Variants in KCNMB3 observed in about 807,000 individuals in gnomAD.
The protein encoded by KCNMB3 is calcium-activated potassium channel subunit beta-3.
In KCNMB3, 18 loss-of-function variants were observed where a neutral mutation model predicts 11.9. The ratio of observed to expected loss-of-function variants is 1.51; its 90% CI spans 1.04 to 2.23. The LOEUF is 2.23. Ranked by LOEUF, KCNMB3 falls within the 30% of genes most tolerant of loss-of-function variation. The probability of loss-of-function intolerance (pLI) is 0.00; values close to 1 mark genes in which losing one functional copy is unlikely to be tolerated. For synonymous variants in KCNMB3, 78 were observed against 119.2 expected (o/e 0.65, Z 2.25); for missense variants, 247 against 329.4 (o/e 0.75, Z 1.94).
At chr3:179,251,704 C>T, upstream of KCNMB3, 4 of 1,173,414 alleles carry the variant, frequency 3.4e-6, no homozygotes, top group Non-Finnish European at 3.2e-6. Context: ...TTTGTTTGGC[C>T]TTCTCTGTCG....
intron 1 of KCNMB3, among the ~76,000 whole-genome samples, chr3:179,245,932 T>C (rs909810431): frequency 3.9e-5 from 6 of 152,220 alleles, no homozygotes; most frequent in Non-Finnish European, 5.9e-5. Context: ...GACATGTGTA[T>C]ATGTATGAAA....
chr3:179,266,814 G>A, exon 1 of KCNMB3: 1 of 1,501,106 alleles, frequency 6.7e-7, no homozygotes, highest in Non-Finnish European at 8.9e-7. Context: ...GTCCCAGCGG[G>A]AGCCCCCAGC....
downstream of KCNMB3, chr3:179,241,882 G>A (rs1725469594): frequency 3.9e-5 from 6 of 154,330 alleles, no homozygotes; most frequent in Middle Eastern, 3.1e-3. Context: ...TGGATCATCT[G>A]AGATGAATGT....
downstream of KCNMB3, chr3:179,241,721 T>C (rs948814956): frequency 1.3e-5 from 2 of 152,568 alleles, no homozygotes; most frequent in African/African-American, 2.4e-5. Flanking sequence ...TTAATAACCA[T>C]GGTTGATTCA....
chr3:179,249,167 C>T (rs1014954077), intron 1 of KCNMB3, among the ~76,000 whole-genome samples: 14 of 151,254 alleles, frequency 9.3e-5, no homozygotes, highest in African/African-American at 2.9e-4. Flanking sequence ...TGCCCGCCAC[C>T]GTGCCCAGCT....
chr3:179,252,504 G>C (rs1486781633), upstream of KCNMB3, among the ~76,000 whole-genome samples: 1 of 151,950 alleles, frequency 6.6e-6, no homozygotes, highest in Non-Finnish European at 1.5e-5. Flanking sequence ...AACATCTTTA[G>C]GTTCTAAAGC....
downstream of KCNMB3, chr3:179,240,919 G>A (rs1725439091): frequency 6.6e-6 from 1 of 152,192 alleles, no homozygotes; most frequent in African/African-American, 2.4e-5. Flanking sequence ...CACATCAAAT[G>A]TTCATGTGTA....
intron 1 of KCNMB3, among the ~76,000 whole-genome samples, chr3:179,257,527 A>C (rs1209906274): frequency 6.6e-6 from 1 of 152,236 alleles, no homozygotes; most frequent in Non-Finnish European, 1.5e-5. Flanking sequence ...GAATTTTCCA[A>C]TAAGAATATA....
chr3:179,262,913 T>C (rs987926976), intron 1 of KCNMB3, among the ~76,000 whole-genome samples: 9 of 152,294 alleles, frequency 5.9e-5, no homozygotes, highest in African/African-American at 1.7e-4. Flanking sequence ...ACAGTACCAA[T>C]TGGTGTATTT....
At chr3:179,261,313 C>T (rs1726200661) in intron 1 of KCNMB3, 4 of 1,230,748 alleles carry the variant, frequency 3.3e-6, no homozygotes, top group Non-Finnish European at 4.1e-6. Flanking sequence ...GGGAAACGCT[C>T]GGGGACCGTG....
At chr3:179,245,389 G>A (rs1046317812) in intron 1 of KCNMB3, among the ~76,000 whole-genome samples, 7 of 152,096 alleles carry the variant, frequency 4.6e-5, no homozygotes, top group African/African-American at 1.7e-4. Context: ...CCATATTTTT[G>A]CTATCAATTA....
intron 1 of KCNMB3, chr3:179,258,854 G>A (rs1726107050): frequency 6.5e-7 from 1 of 1,534,912 alleles, no homozygotes; most frequent in South Asian, 1.1e-5. Flanking sequence ...TGATTACATG[G>A]AAATCTACAA....
chr3:179,249,697 A>G (rs1418823714), intron 1 of KCNMB3, among the ~76,000 whole-genome samples: 1 of 152,218 alleles, frequency 6.6e-6, no homozygotes, highest in Non-Finnish European at 1.5e-5. Flanking sequence ...AAAGAAAATC[A>G]TAAGGAAGAA....
At chr3:179,266,619 C>A (rs1726375624) in intron 1 of KCNMB3, 2 of 1,613,466 alleles carry the variant, frequency 1.2e-6, no homozygotes, top group East Asian at 4.5e-5. Flanking sequence ...CAGATTCCCA[C>A]TACCGGCAGA....
chr3:179,251,153 GC>G, upstream of KCNMB3: 1 of 1,613,494 alleles, frequency 6.2e-7, no homozygotes, highest in Non-Finnish European at 8.5e-7. Context: ...AGATATTGTA[GC>G]AAACAAGCCT....
chr3:179,248,528 G>A (rs1310176295), intron 1 of KCNMB3, among the ~76,000 whole-genome samples: 2 of 151,932 alleles, frequency 1.3e-5, no homozygotes, highest in Admixed American at 6.6e-5. Context: ...AGGAGTTCAC[G>A]ACCAGCCTGG....
downstream of KCNMB3, chr3:179,240,399 G>A (rs1168118032): frequency 5.3e-6 from 1 of 190,036 alleles, no homozygotes; most frequent in African/African-American, 2.4e-5. Flanking sequence ...ATACATATAT[G>A]TATGAATGTA....
rs777402226 is a variant in KCNMB3 at position 179,258,897 on chromosome 3, C to T, written c.62+7752G>A. 9 of 1,603,932 alleles carry T rather than the reference C, an allele frequency of 5.6e-6. 1 individual carries two copies. The South Asian group carries it at 8.8e-5, about 16-fold the overall frequency. ...TCTATAACTTAAAGCAGTAGATCAC[C>T]TGGTGATTGGCATACAGTGCATCTC... On this transcript the variant is annotated intron_variant, in intron 1 of 3. Coordinates refer to the KCNMB3 transcript ENST00000349697.
upstream of KCNMB3, among the ~76,000 whole-genome samples, chr3:179,254,474 A>G (rs1725947081): frequency 6.6e-6 from 1 of 152,204 alleles, no homozygotes; most frequent in Admixed American, 6.5e-5. Context: ...AAATTTAAAT[A>G]CGTATGTTCT....
Sources: gnomAD v4.1 joint callset for allele counts (sites outside exome capture counted in the v4.1 genomes callset) on GRCh38, gnomAD v4.1.1 for gene constraint, MANE v1.5 for transcripts, NCBI Gene and HGNC (gene_info 2026-07-23, HGNC 2026-07-21) for gene names.